The following PLD4 variants were observed in gnomAD, a reference collection of about 807,000 sequenced individuals.
PLD4 encodes the protein 5'-3' exonuclease PLD4.
PLD4 carries 54 observed loss-of-function variants against 52.3 expected under a neutral mutation model. The ratio of observed to expected loss-of-function variants is 1.03; its 90% CI spans 0.83 to 1.30. The LOEUF (loss-of-function observed/expected upper bound fraction) is 1.30, where lower values mean the gene tolerates loss of function less well. Among genes scored for constraint, PLD4 ranks in the 50% most tolerant of loss-of-function variants. The pLI, the probability that PLD4 is intolerant of heterozygous loss-of-function variation, is 0.00. For synonymous variants in PLD4, 264 were observed against 286.5 expected, an observed-to-expected ratio of 0.92 and a Z score of 0.79; for missense variants, 731 against 671.1, an observed-to-expected ratio of 1.09 and a Z score of -0.99.
At chr14:104,929,938 G>A in intron 5 of PLD4, 40 bp from the exon 6 acceptor site, 1 of 1,609,858 alleles carries the variant, frequency 6.2e-7, no homozygotes. Context: ...CTAGCACTTA[G>A]CAAGACCTAG....
At chr14:104,927,612 G>A (rs766796282) in intron 2 of PLD4, 61 bp from the exon 3 acceptor site, 7 of 1,470,090 alleles carry the variant, frequency 4.8e-6, no homozygotes, top group Non-Finnish European at 6.3e-6. Flanking sequence ...GGGCCATCGT[G>A]GCCCAGCCAG....
chr14:104,927,530 G>A, intron 2 of PLD4, 143 bp from the exon 3 acceptor site: 1 of 947,968 alleles, frequency 1.1e-6, no homozygotes, highest in Non-Finnish European at 1.5e-6. Flanking sequence ...CCTCTCCCTT[G>A]TCCACCCTAG....
chr14:104,929,204 G>A (rs1897557919), intron 4 of PLD4, 103 bp from the exon 5 acceptor site: 3 of 1,495,800 alleles, frequency 2.0e-6, no homozygotes, highest in Non-Finnish European at 2.7e-6. Context: ...CTTGAGCTGT[G>A]GGCAGTCATA....
chr14:104,935,951 A>C (rs1247122709), downstream of PLD4: 1 of 152,364 alleles, frequency 6.6e-6, no homozygotes, highest in East Asian at 1.9e-4. Flanking sequence ...AGAGAACCCA[A>C]CAAAGCCACA....
rs1456161143 is a variant in PLD4 at position 104,932,925 on chromosome 14, C to G, written c.1482C>G (p.Asp494Glu). Residue 494 changes from aspartate (D) to glutamate (E), a missense_variant, in exon 11 of 11, where the codon GAC becomes GAG. Transcript: ENST00000392593. This position sits in a 1 kb window ranked among gnomAD's most constrained non-coding sequence, Gnocchi z 6.5. ...DWSSRYAVGLDGQAPGQDCVW... is the reference protein window; with the variant it reads ...DWSSRYAVGLEGQAPGQDCVW... Reference sequence around the variant, plus strand: ...GTTCGCGCTACGCCGTCGGCCTGGACGGACAGGCTCCGGGCCAGGACTGCG... The same window carrying G: ...GTTCGCGCTACGCCGTCGGCCTGGAGGGACAGGCTCCGGGCCAGGACTGCG... The G allele has an allele frequency of 6.2e-7, 1 of 1,600,448 alleles. No homozygotes were observed. The highest frequency in any genetic ancestry group is 1.7e-5 in the Admixed American group (1 of 58,570).
chr14:104,930,896 C>T lies in PLD4; in HGVS notation c.872C>T (p.Pro291Leu). ...NFSSHFNRFQ[P>L]FHGLFDGVPT... ...TCATCTCACTTCAACCGTTTCCAGC[C>T]CTTCCACGGCCTCTTTGATGGGGTG... The change falls in exon 7 of 11, where the codon CCC (proline) becomes CTC (leucine). Residue 291 changes from proline to leucine, a missense_variant. Coordinates refer to ENST00000392593, the MANE Select transcript of PLD4 (RefSeq NM_138790.5). 1 of 1,613,560 alleles carries T rather than the reference C, an allele frequency of 6.2e-7. No homozygotes were observed. The highest frequency in any genetic ancestry group is 8.5e-7 in the Non-Finnish European group (1 of 1,180,028).
Position 104,932,995 on chromosome 14 carries a change from C to A in PLD4, c.*31C>A. On this transcript the variant is annotated 3_prime_UTR_variant, in exon 11 of 11. Coordinates refer to ENST00000392593, the MANE Select transcript of PLD4 (RefSeq NM_138790.5). This position sits in a 1 kb window ranked among gnomAD's most constrained non-coding sequence, Gnocchi z 6.5. Reference sequence around the variant, plus strand: ...GCCTCTTTTTCTCTCGGCGACCCCGCCCCGCACGCGCCCTCCCCTCTGACC... The same window carrying A: ...GCCTCTTTTTCTCTCGGCGACCCCGACCCGCACGCGCCCTCCCCTCTGACC... The A allele has an allele frequency of 6.6e-7, 1 of 1,523,002 alleles. No homozygotes were observed. The highest frequency in any genetic ancestry group is 8.8e-7 in the Non-Finnish European group (1 of 1,136,846). 94.3% of individuals were successfully genotyped at this position (1,523,002 alleles called of 1,614,324 possible).
chr14:104,931,333 G>A (rs1028787872), intron 7 of PLD4, among the ~76,000 whole-genome samples: 2 of 152,092 alleles, frequency 1.3e-5, no homozygotes, highest in African/African-American at 4.8e-5. Context: ...AGAGTGAGGG[G>A]TGGGCAGATC....
rs1595377446 is a variant in PLD4 at position 104,927,595 on chromosome 14, A to G, written c.91-78A>G. Reference sequence around the variant, plus strand: ...AAGTCAAGACGGTCTCTGTCTCAGCACTGGAGGGGCCATCGTGGCCCAGCC... The same window carrying G: ...AAGTCAAGACGGTCTCTGTCTCAGCGCTGGAGGGGCCATCGTGGCCCAGCC... On this transcript the variant is annotated intron_variant, in intron 2 of 10. Transcript: ENST00000392593. The G allele has an allele frequency of 2.8e-6, 4 of 1,426,240 alleles. No homozygotes were observed. In the East Asian group the frequency reaches 1.0e-4, roughly 36 times the overall value. 88.3% of individuals were successfully genotyped at this position (1,426,240 alleles called of 1,614,324 possible).
At chr14:104,927,066 C>A in intron 1 of PLD4, 75 bp from the exon 2 acceptor site, 1 of 1,386,764 alleles carries the variant, frequency 7.2e-7, no homozygotes, top group Non-Finnish European at 9.6e-7. Context: ...GTCCCCAGTG[C>A]CCAGCTGCCC....
At chr14:104,927,080 C>A in intron 1 of PLD4, 61 bp from the exon 2 acceptor site, 1 of 1,431,456 alleles carries the variant, frequency 7.0e-7, no homozygotes, top group Non-Finnish European at 9.3e-7. Flanking sequence ...GCTGCCCAGG[C>A]ACTGAGGGGC....
chr14:104,926,309 G>T (rs2140794929), intron 1 of PLD4, among the ~76,000 whole-genome samples: 1 of 152,342 alleles, frequency 6.6e-6, no homozygotes, highest in Middle Eastern at 3.4e-3. Context: ...CCCGGGGAGG[G>T]CGCCTCTGTA....
rs1427174857 is a variant in PLD4, at chr14:104,927,815, C to T, written c.233C>T (p.Pro78Leu). Residue 78 changes from proline to leucine, a missense_variant, in exon 3 of 11, where the codon CCA becomes CTA. Transcript: ENST00000392593. ...AGGTCCTGGGAGCATGGCTCCAGCC[C>T]AGCTTGGGAGCCCCTGGAAGCAGAG... Reference protein sequence around the residue: ...VPRSWEHGSSPAWEPLEAEAR... With the variant: ...VPRSWEHGSSLAWEPLEAEAR... The T allele has an allele frequency of 6.3e-7, 1 of 1,592,900 alleles. No homozygotes were observed. The highest frequency in any genetic ancestry group is 8.5e-7 in the Non-Finnish European group (1 of 1,173,892).
chr14:104,933,157 C>A lies in PLD4; in HGVS notation c.*193C>A. The A allele has an allele frequency of 1.6e-6, 1 of 615,806 alleles. No homozygotes were observed. Among genetic ancestry groups the A allele is most frequent in the Non-Finnish European group, 2.7e-6 (1 of 376,032 alleles). 38.1% of individuals were successfully genotyped at this position (615,806 alleles called of 1,614,324 possible). A position where few individuals can be genotyped will look rare whatever the true frequency, so the allele number is the denominator to read the frequency against. On this transcript the variant is annotated 3_prime_UTR_variant, in exon 11 of 11. Coordinates refer to ENST00000392593, the MANE Select transcript of PLD4 (RefSeq NM_138790.5). ...CGAGTCCAGCCCCCCCTGAGCCCCA[C>A]CTCCTCCAGGGAGCCCTCCAGGAAG... is the stretch of plus-strand genomic sequence containing the variant.
At chr14:104,929,931 G>A (rs1322767952) in intron 5 of PLD4, 47 bp from the exon 6 acceptor site, 1 of 1,606,776 alleles carries the variant, frequency 6.2e-7, no homozygotes, top group Non-Finnish European at 8.5e-7. Context: ...CATGAAGCTA[G>A]CACTTAGCAA....
At position 104,927,801 on chromosome 14, in the gene PLD4, G is replaced by A. The variant is rs374691708; in HGVS notation, c.219G>A (p.Glu73=). The change falls in exon 3 of 11, where the codon GAG becomes GAA. Residue 73 remains glutamate (E), a synonymous_variant. Coordinates refer to ENST00000392593, the MANE Select transcript of PLD4 (RefSeq NM_138790.5). ...CCAAGGACGTGCCCAGGTCCTGGGA[G>A]CATGGCTCCAGCCCAGCTTGGGAGC... ...VQPKDVPRSW[E]HGSSPAWEPL... 178 of 1,596,804 alleles carry A rather than the reference G, an allele frequency of 1.1e-4. No individual in the cohort carries two copies. Among genetic ancestry groups the A allele is most frequent in the Non-Finnish European group, 1.4e-4 (167 of 1,176,412 alleles).
Position 104,932,227 on chromosome 14 carries a change from C to A in PLD4, c.1225-32C>A. 1 of 1,612,488 alleles carries A rather than the reference C, an allele frequency of 6.2e-7. No homozygotes were observed. The highest frequency in any genetic ancestry group is 8.5e-7 in the Non-Finnish European group (1 of 1,179,718). ...GTGGGAAAGGCGGCCCTCCTGCCGC[C>A]CTTCCTGACGCGCTGCCTCTGCTCC... On this transcript the variant is annotated intron_variant, in intron 9 of 10. Transcript: ENST00000392593. The surrounding 1 kb of genome is among the most constrained non-coding windows in gnomAD (Gnocchi z 6.5).
intron 7 of PLD4, among the ~76,000 whole-genome samples, chr14:104,931,476 G>C (rs1161841866): frequency 6.6e-6 from 1 of 152,142 alleles, no homozygotes; most frequent in Non-Finnish European, 1.5e-5. Context: ...TGAAGGGAGT[G>C]GATAAACTTC....
chr14:104,936,551 C>T (rs1279306814), downstream of PLD4: 1 of 152,516 alleles, frequency 6.6e-6, no homozygotes, highest in Non-Finnish European at 1.5e-5. Flanking sequence ...GCTGTCACCC[C>T]TCTGGAACCT....
Sources: gnomAD v4.1 joint callset for allele counts (sites outside exome capture counted in the v4.1 genomes callset) on GRCh38, gnomAD v4.1.1 for gene constraint, Gnocchi (gnomAD v3.1) non-coding constraint, MANE v1.5 for transcripts, NCBI Gene and HGNC (gene_info 2026-07-23, HGNC 2026-07-21) for gene names.